PAPSS1: variants seen among roughly 807,000 people sequenced by gnomAD.
The protein encoded by PAPSS1 is 3'-phosphoadenosine 5'-phosphosulfate synthase 1.
A neutral mutation model predicts 72.0 loss-of-function variants in PAPSS1; 50 were observed. The ratio of observed to expected loss-of-function variants is 0.69; its 90% CI spans 0.55 to 0.88. The LOEUF (loss-of-function observed/expected upper bound fraction) is 0.88. Among genes scored for constraint, PAPSS1 ranks in the 40% least tolerant of loss-of-function variants. The pLI is 0.00. For missense variants in PAPSS1, 657 were observed against 782.2 expected, an observed-to-expected ratio of 0.84 and a Z score of 1.91; for synonymous variants, 261 against 263.6, an observed-to-expected ratio of 0.99 and a Z score of 0.09.
intron 6 of PAPSS1, among the ~76,000 whole-genome samples, chr4:107,659,559 T>C (rs1262484814): frequency 1.3e-5 from 2 of 152,258 alleles, no homozygotes; most frequent in Non-Finnish European, 2.9e-5. Flanking sequence ...AAAATTATTC[T>C]TAACAATATA....
chr4:107,653,815 T>C (rs1304175774), intron 8 of PAPSS1, among the ~76,000 whole-genome samples, 189 bp from the exon 9 acceptor site: 4 of 152,202 alleles, frequency 2.6e-5, no homozygotes, highest in East Asian at 3.8e-4. Flanking sequence ...CCCAGAAAAC[T>C]TGTGAAATAA....
intron 1 of PAPSS1, among the ~76,000 whole-genome samples, chr4:107,712,819 G>A (rs142818309): frequency 0.039 from 5,821 of 150,482 alleles, 397 homozygotes; most frequent in African/African-American, 0.13. Flanking sequence ...GTTGCAGCGA[G>A]CCAAGATTGC....
Position 107,687,061 on chromosome 4 carries a change from T to G in PAPSS1, c.528A>C (p.Lys176Asn). The change falls in exon 4 of 12, where the codon AAA (lysine) becomes AAC (asparagine). Residue 176 changes from lysine to asparagine, a missense_variant. Transcript: ENST00000265174. Reference protein sequence around the residue: ...EQRDVKGLYKKARAGEIKGFT... With the variant: ...EQRDVKGLYKNARAGEIKGFT... ...GACCTTTAATTTCTCCTGCCCGGGC[T>G]TTTTTGTAGAGTCCTTTGACATCCC... 1 of 1,596,512 alleles carries G rather than the reference T, an allele frequency of 6.3e-7. No individual in the cohort carries two copies.
chr4:107,650,122 A>G (rs775359486), intron 9 of PAPSS1, among the ~76,000 whole-genome samples: 5 of 152,234 alleles, frequency 3.3e-5, no homozygotes, highest in Non-Finnish European at 5.9e-5. Context: ...AAGAGGTAAG[A>G]AAAGAAATCC....
intron 3 of PAPSS1, among the ~76,000 whole-genome samples, chr4:107,689,727 TA>T (rs1722869022): frequency 6.6e-6 from 1 of 152,186 alleles, no homozygotes; most frequent in Non-Finnish European, 1.5e-5. Context: ...TTCCTAAATC[TA>T]GATCTCAATC....
At chr4:107,636,783 G>C (rs1726397492) in intron 10 of PAPSS1, among the ~76,000 whole-genome samples, 1 of 152,150 alleles carries the variant, frequency 6.6e-6, no homozygotes, top group South Asian at 2.1e-4. Flanking sequence ...TTTCAGAATT[G>C]TCTTATCAAA....
chr4:107,691,277 C>G (rs1722911955), intron 3 of PAPSS1, among the ~76,000 whole-genome samples: 2 of 152,092 alleles, frequency 1.3e-5, no homozygotes, highest in Non-Finnish European at 2.9e-5. Flanking sequence ...TTATTACATG[C>G]CAGGCACTGT....
At chr4:107,635,719 A>C (rs1300287127) in intron 10 of PAPSS1, among the ~76,000 whole-genome samples, 1 of 152,248 alleles carries the variant, frequency 6.6e-6, no homozygotes, top group Non-Finnish European at 1.5e-5. Context: ...TAAAACCACT[A>C]ACATAAATTT....
chr4:107,698,360 A>C (rs1723122293), intron 2 of PAPSS1, among the ~76,000 whole-genome samples: 2 of 152,250 alleles, frequency 1.3e-5, no homozygotes, highest in South Asian at 2.1e-4. Flanking sequence ...TGACAAGCTT[A>C]ATCTATTATA....
chr4:107,615,361 T>G (rs1157981440), intron 11 of PAPSS1, among the ~76,000 whole-genome samples: 1 of 152,146 alleles, frequency 6.6e-6, no homozygotes, highest in Non-Finnish European at 1.5e-5. Context: ...CACGAGCCTG[T>G]TTACTTCTAG....
At chr4:107,614,811 A>C (rs1336281217) in intron 11 of PAPSS1, among the ~76,000 whole-genome samples, 1 of 152,302 alleles carries the variant, frequency 6.6e-6, no homozygotes, top group African/African-American at 2.4e-5. Context: ...TTATGCACTT[A>C]ATACTATACT....
At chr4:107,634,797 A>ATTTTTTTTT (rs3083966) in intron 10 of PAPSS1, among the ~76,000 whole-genome samples, 14 of 115,998 alleles carry the variant, frequency 1.2e-4, no homozygotes, top group African/African-American at 2.5e-4. Flanking sequence ...TATTCTAGAC[A>ATTTTTTTTT]TTTTTTTTTT....
At chr4:107,701,434 A>AAC in intron 1 of PAPSS1, 149 bp from the exon 2 acceptor site, 1 of 554,422 alleles carries the variant, frequency 1.8e-6, no homozygotes, top group East Asian at 3.0e-5. Flanking sequence ...GAGTACTGGC[A>AAC]TGGTGTTTAC....
chr4:107,682,256 T>C (rs149472534), intron 4 of PAPSS1, 123 bp from the exon 5 acceptor site: 17 of 451,172 alleles, frequency 3.8e-5, no homozygotes, highest in Non-Finnish European at 6.7e-5. Flanking sequence ...CACAGGGCTA[T>C]AGTAATGAAG....
At chr4:107,624,752 C>A (rs1218661471) in intron 11 of PAPSS1, among the ~76,000 whole-genome samples, 1 of 152,082 alleles carries the variant, frequency 6.6e-6, no homozygotes, top group African/African-American at 2.4e-5. Context: ...GCAAAATTAA[C>A]AAATACAGGA....
At chr4:107,645,096 G>C in intron 9 of PAPSS1, 26 bp from the exon 10 acceptor site, 1 of 1,463,492 alleles carries the variant, frequency 6.8e-7, no homozygotes, top group East Asian at 2.5e-5. Context: ...CCAGAGTTAA[G>C]AATAGCATGT....
intron 5 of PAPSS1, among the ~76,000 whole-genome samples, chr4:107,678,762 TA>T (rs953506170): frequency 1.3e-5 from 2 of 152,022 alleles, no homozygotes; most frequent in Admixed American, 6.6e-5. Context: ...GTCTAGAGAC[TA>T]AAAAAAGTCT....
intron 11 of PAPSS1, among the ~76,000 whole-genome samples, chr4:107,625,771 C>T (rs1726078664): frequency 6.6e-6 from 1 of 152,128 alleles, no homozygotes; most frequent in African/African-American, 2.4e-5. Flanking sequence ...AAAAATCACC[C>T]CCACAGAAAC....
Position 107,647,379 on chromosome 4 carries a change from G to T in PAPSS1, c.1238-2309C>A, listed in dbSNP as rs188332554. ...CACTGCTGGACTGGATTCATTGATT[G>T]AACCAATTCCTTCCTGTTCCATCAA... On this transcript the variant is annotated intron_variant, in intron 9 of 11. Coordinates refer to ENST00000265174, the MANE Select transcript of PAPSS1 (RefSeq NM_005443.5). Among the ~76,000 whole-genome samples the T allele has an allele frequency of 2.0e-4, 31 of 152,260 alleles. No homozygotes were observed. The East Asian group carries it at 5.6e-3, about 28-fold the overall frequency.
Sources: gnomAD v4.1 joint callset for allele counts (sites outside exome capture counted in the v4.1 genomes callset) on GRCh38, gnomAD v4.1.1 for gene constraint, MANE v1.5 for transcripts, NCBI Gene and HGNC (gene_info 2026-07-23, HGNC 2026-07-21) for gene names.